The following SH3GL2 variants were observed in gnomAD, a reference collection of about 807,000 sequenced individuals.
SH3GL2 encodes SH3 domain containing GRB2 like 2, endophilin A1.
SH3GL2 carries 24 observed loss-of-function variants against 46.0 expected under a neutral mutation model. The ratio of observed to expected loss-of-function variants is 0.52; its 90% CI spans 0.38 to 0.73. The LOEUF is 0.73. Among genes scored for constraint, SH3GL2 ranks in the 30% least tolerant of loss-of-function variants. SH3GL2 has a pLI of 0.00. For missense variants in SH3GL2, 413 were observed against 424.2 expected (o/e 0.97, Z 0.23); for synonymous variants, 196 against 147.1 (o/e 1.33, Z -2.40).
chr9:17,621,064 G>T (rs1819127934), intron 1 of SH3GL2, among the ~76,000 whole-genome samples: 1 of 152,176 alleles, frequency 6.6e-6, no homozygotes, highest in Non-Finnish European at 1.5e-5. Context: ...TGGTTTTCGT[G>T]TATGAAAAAC....
intron 1 of SH3GL2, among the ~76,000 whole-genome samples, chr9:17,662,068 C>G (rs1820230954): frequency 6.6e-6 from 1 of 152,124 alleles, no homozygotes; most frequent in Non-Finnish European, 1.5e-5. Flanking sequence ...CCTTAACTGT[C>G]CAATACAAAG....
At chr9:17,787,937 C>T (rs187504035) in intron 5 of SH3GL2, among the ~76,000 whole-genome samples, 31 of 151,756 alleles carry the variant, frequency 2.0e-4, no homozygotes, top group Admixed American at 1.8e-3. Flanking sequence ...TATTTTTTTC[C>T]AAGTCTAGAA....
intron 1 of SH3GL2, among the ~76,000 whole-genome samples, chr9:17,678,034 G>T (rs1231684599): frequency 6.6e-6 from 1 of 152,252 alleles, no homozygotes; most frequent in South Asian, 2.1e-4. Flanking sequence ...ATCATTATTG[G>T]ACATTTGGGT....
chr9:17,767,857 TAAGTC>T (rs1428694772), intron 3 of SH3GL2, among the ~76,000 whole-genome samples: 7 of 152,114 alleles, frequency 4.6e-5, no homozygotes, highest in African/African-American at 1.2e-4. Flanking sequence ...AAAGAAAACT[TAAGTC>T]AGGTGATGGG....
intron 1 of SH3GL2, among the ~76,000 whole-genome samples, chr9:17,644,418 T>G (rs1046050918): frequency 6.6e-5 from 10 of 152,346 alleles, no homozygotes; most frequent in Admixed American, 4.6e-4. Flanking sequence ...AATTGTGATG[T>G]TAGGGTGTTG....
intron 1 of SH3GL2, among the ~76,000 whole-genome samples, chr9:17,738,641 T>TAGAGAGAGAGAGAGAGAGAGAGAG (rs1554645334): frequency 1.1e-5 from 1 of 88,896 alleles, no homozygotes; most frequent in Non-Finnish European, 2.3e-5. Context: ...TATATATATA[T>TAGAGAGAGAGAGAGAGAGAGAGAG]AGAGAGAGAG....
At chr9:17,703,336 G>C (rs913393830) in intron 1 of SH3GL2, among the ~76,000 whole-genome samples, 1 of 151,980 alleles carries the variant, frequency 6.6e-6, no homozygotes, top group Non-Finnish European at 1.5e-5. Context: ...GAGTGATGTT[G>C]AATTTTGATG....
chr9:17,585,743 G>C (rs1818363653), intron 1 of SH3GL2, among the ~76,000 whole-genome samples: 1 of 152,202 alleles, frequency 6.6e-6, no homozygotes, highest in Non-Finnish European at 1.5e-5. Flanking sequence ...GTGGTCAGAA[G>C]AAGACAGAGA....
At chr9:17,750,273 A>G (rs935841274) in intron 2 of SH3GL2, among the ~76,000 whole-genome samples, 1 of 151,816 alleles carries the variant, frequency 6.6e-6, no homozygotes, top group Non-Finnish European at 1.5e-5. Flanking sequence ...CTCGTCAGGC[A>G]TTTGGGGTAG....
At chr9:17,664,112 A>G (rs1820288087) in intron 1 of SH3GL2, among the ~76,000 whole-genome samples, 1 of 152,214 alleles carries the variant, frequency 6.6e-6, no homozygotes, top group South Asian at 2.1e-4. Context: ...CCCTCCTAGC[A>G]TTAATTCAGT....
intron 1 of SH3GL2, among the ~76,000 whole-genome samples, chr9:17,672,499 A>C (rs1213012287): frequency 1.3e-5 from 2 of 152,166 alleles, no homozygotes; most frequent in South Asian, 2.1e-4. Flanking sequence ...TAGATCTTGA[A>C]AATTAGCTGG....
chr9:17,672,323 T>A (rs192188868), intron 1 of SH3GL2, among the ~76,000 whole-genome samples: 237 of 152,214 alleles, frequency 1.6e-3, no homozygotes, highest in African/African-American at 5.5e-3. Context: ...ACTTGCTTCA[T>A]GTTAAGATGC....
At chr9:17,763,590 G>A (rs1038467145) in intron 3 of SH3GL2, among the ~76,000 whole-genome samples, 1 of 152,168 alleles carries the variant, frequency 6.6e-6, no homozygotes, top group Admixed American at 6.5e-5. Flanking sequence ...CCTCCAGAGG[G>A]AACCAACTTT....
At chr9:17,717,788 ATGTT>A (rs1821797922) in intron 1 of SH3GL2, among the ~76,000 whole-genome samples, 1 of 104,084 alleles carries the variant, frequency 9.6e-6, no homozygotes, top group African/African-American at 5.1e-5. Flanking sequence ...AAAGGACTGT[ATGTT>A]TGATTATGTT....
intron 1 of SH3GL2, among the ~76,000 whole-genome samples, chr9:17,603,546 C>T (rs558551947): frequency 3.4e-4 from 51 of 152,056 alleles, no homozygotes; most frequent in African/African-American, 1.2e-3. Flanking sequence ...TAGAGATGGA[C>T]GGTGGTGATG....
At chr9:17,677,769 T>A (rs1183566560) in intron 1 of SH3GL2, among the ~76,000 whole-genome samples, 2 of 152,026 alleles carry the variant, frequency 1.3e-5, no homozygotes, top group African/African-American at 4.8e-5. Flanking sequence ...CCTAATGCTA[T>A]CCCTCCTACC....
intron 1 of SH3GL2, among the ~76,000 whole-genome samples, chr9:17,671,539 A>G (rs568944820): frequency 6.6e-6 from 1 of 152,204 alleles, no homozygotes; most frequent in Non-Finnish European, 1.5e-5. Flanking sequence ...TGGATATTCT[A>G]TTTTCCATGG....
intron 1 of SH3GL2, among the ~76,000 whole-genome samples, chr9:17,654,189 C>T (rs979458233): frequency 3.3e-5 from 5 of 152,248 alleles, no homozygotes; most frequent in Admixed American, 3.3e-4. Flanking sequence ...GATACTTTGG[C>T]TGCTCCTGTT....
At chr9:17,704,739 A>G (rs1403287928) in intron 1 of SH3GL2, among the ~76,000 whole-genome samples, 2 of 152,142 alleles carry the variant, frequency 1.3e-5, no homozygotes, top group Admixed American at 1.3e-4. Context: ...AATATGCAGA[A>G]GATTGAAACT....
Sources: gnomAD v4.1 joint callset for allele counts (sites outside exome capture counted in the v4.1 genomes callset) on GRCh38, gnomAD v4.1.1 for gene constraint, MANE v1.5 for transcripts, NCBI Gene and HGNC (gene_info 2026-07-23, HGNC 2026-07-21) for gene names.